The following ATP11B variants were observed in gnomAD, a reference collection of about 807,000 sequenced individuals.
ATP11B encodes phospholipid-transporting ATPase IF.
ATP11B carries 81 observed loss-of-function variants against 157.8 expected under a neutral mutation model. That is an observed-to-expected ratio of 0.51 (90% CI 0.43 to 0.62). The LOEUF (loss-of-function observed/expected upper bound fraction) is 0.62. Ranked by LOEUF, ATP11B falls within the 20% of genes least tolerant of loss-of-function variation. The pLI is 0.00. For synonymous variants in ATP11B, 451 were observed against 469.4 expected (o/e 0.96, Z 0.51); for missense variants, 1,165 against 1,402.2 (o/e 0.83, Z 2.70).
At chr3:182,870,699 C>T (rs184419365) in intron 17 of ATP11B, among the ~76,000 whole-genome samples, 12 of 152,066 alleles carry the variant, frequency 7.9e-5, no homozygotes, top group Admixed American at 5.2e-4. Context: ...TAGGGCTGGG[C>T]GCGGTGGCTC....
rs757123014 is a variant in ATP11B at position 182,837,140 on chromosome 3, A to G, written c.622A>G (p.Ile208Val). Reference sequence around the variant, plus strand: ...CAATTTGGACACTCTAGTAGCTGTAATAGAATGCCAGCAACCAGAAGCAGA... The same window carrying G: ...CAATTTGGACACTCTAGTAGCTGTAGTAGAATGCCAGCAACCAGAAGCAGA... ...VANLDTLVAV[I>V]ECQQPEADLY... The change falls in exon 7 of 30, where the codon ATA (isoleucine) becomes GTA (valine). Residue 208 changes from isoleucine to valine, a missense_variant. Around this residue, in one of 4 missense-constraint regions of ATP11B, gnomAD observed 737 missense variants for 930.5 expected, o/e 0.79. Coordinates refer to ENST00000323116, the MANE Select transcript of ATP11B (RefSeq NM_014616.3). 1.4e-5 allele frequency: 23 copies of G among 1,613,158 alleles called. No homozygotes were observed. The East Asian group carries it at 3.1e-4, about 22-fold the overall frequency.
chr3:182,859,444 T>A, intron 12 of ATP11B, 85 bp downstream of exon 12: 1 of 1,197,960 alleles, frequency 8.3e-7, no homozygotes, highest in Non-Finnish European at 1.1e-6. Flanking sequence ...TAACAAGGTA[T>A]TATGATGCTT....
At chr3:182,847,308 G>A (rs1001994416) in intron 9 of ATP11B, among the ~76,000 whole-genome samples, 9 of 152,100 alleles carry the variant, frequency 5.9e-5, no homozygotes, top group African/African-American at 1.9e-4. Context: ...CAAAGTGATG[G>A]GATTACAGGC....
intron 12 of ATP11B, among the ~76,000 whole-genome samples, chr3:182,865,099 C>T (rs781121145): frequency 4.6e-5 from 7 of 152,106 alleles, no homozygotes. Context: ...ATTAAGCATC[C>T]TTTCCACCCT....
At position 182,898,715 on chromosome 3, in the gene ATP11B, TATC is replaced by T. The variant is rs1230167683; in HGVS notation, c.3264_3266del (p.Ile1089del). The T allele has an allele frequency of 1.1e-5, 17 of 1,599,340 alleles. No homozygotes were observed. The highest frequency in any genetic ancestry group is 2.7e-5 in the African/African-American group (2 of 74,368). On this transcript the variant is annotated inframe_deletion, in exon 28 of 30. Transcript: ENST00000323116. ...TGGTTGTTACATGTCTATTTCTTGA[TATC>T]ATAAAGAAGGTCTTTGACCGACACC... is the stretch of plus-strand genomic sequence containing the variant.
At chr3:182,844,627 TAG>T (rs1719323008) in intron 8 of ATP11B, 1 of 819,076 alleles carries the variant, frequency 1.2e-6, no homozygotes, top group Non-Finnish European at 1.5e-6. Context: ...CGATCTTGCC[TAG>T]AAAAAGCACT....
At chr3:182,854,545 G>A (rs1657956576) in intron 10 of ATP11B, among the ~76,000 whole-genome samples, 1 of 152,126 alleles carries the variant, frequency 6.6e-6, no homozygotes, top group African/African-American at 2.4e-5. Flanking sequence ...TTATGACTTA[G>A]AGTAGGTAAA....
chr3:182,874,184 A>G (rs1446328572), intron 19 of ATP11B, among the ~76,000 whole-genome samples, 169 bp downstream of exon 19: 3 of 152,244 alleles, frequency 2.0e-5, no homozygotes, highest in Non-Finnish European at 4.4e-5. Flanking sequence ...TATTTCATGA[A>G]GTGAAAAGTA....
intron 10 of ATP11B, among the ~76,000 whole-genome samples, chr3:182,853,263 A>G (rs1388290722): frequency 1.3e-5 from 2 of 152,276 alleles, no homozygotes; most frequent in East Asian, 1.9e-4. Context: ...GCTGGAGTGC[A>G]GTGGTGCGAT....
At chr3:182,905,162 A>G (rs1430026133) in intron 28 of ATP11B, among the ~76,000 whole-genome samples, 3 of 152,150 alleles carry the variant, frequency 2.0e-5, no homozygotes, top group Non-Finnish European at 1.5e-5. Flanking sequence ...ATGAGGCAAA[A>G]TTGTTTTTTA....
At position 182,828,273 on chromosome 3, in the gene ATP11B, A is replaced by G. The variant is rs1717861355; in HGVS notation, c.234+64A>G. On this transcript the variant is annotated intron_variant, in intron 3 of 29. Transcript: ENST00000323116. ...TTTCTAAAAATATGTCTTGGAACAA[A>G]GAAAAATTACATTGTGTTGCTAATC... 8.8e-6 allele frequency: 7 copies of G among 799,244 alleles called. No homozygotes were observed. In the South Asian group the frequency reaches 1.4e-4, roughly 16 times the overall value. 49.5% of individuals were successfully genotyped at this position (799,244 alleles called of 1,614,324 possible). A position where few individuals can be genotyped will look rare whatever the true frequency, so the allele number is the denominator to read the frequency against.
intron 28 of ATP11B, among the ~76,000 whole-genome samples, chr3:182,909,479 A>G (rs756531458): frequency 4.6e-5 from 7 of 151,764 alleles, no homozygotes; most frequent in East Asian, 1.9e-4. Context: ...TTTCTTTTCT[A>G]TTATTTAAAA....
intron 12 of ATP11B, among the ~76,000 whole-genome samples, chr3:182,860,509 A>T (rs1274361284): frequency 6.6e-6 from 1 of 152,126 alleles, no homozygotes; most frequent in Non-Finnish European, 1.5e-5. Flanking sequence ...ATGGGCAATT[A>T]ACTCTGTGAG....
chr3:182,825,493 C>T (rs1400168982), intron 2 of ATP11B, among the ~76,000 whole-genome samples: 3 of 151,836 alleles, frequency 2.0e-5, no homozygotes, highest in South Asian at 2.1e-4. Flanking sequence ...CCAAGGTGGG[C>T]GGATCACTTG....
intron 20 of ATP11B, among the ~76,000 whole-genome samples, chr3:182,880,068 T>G (rs1406766976): frequency 6.6e-6 from 1 of 152,252 alleles, no homozygotes; most frequent in Non-Finnish European, 1.5e-5. Flanking sequence ...AAATAGAGCT[T>G]TAGTATAAAA....
At chr3:182,836,538 A>G in intron 6 of ATP11B, 68 bp downstream of exon 6, 2 of 1,589,664 alleles carry the variant, frequency 1.3e-6, no homozygotes, top group Non-Finnish European at 1.7e-6. Flanking sequence ...ATTATACTTA[A>G]CTTTGGTTAA....
At chr3:182,895,422 G>A (rs1262986999) in intron 25 of ATP11B, among the ~76,000 whole-genome samples, 1 of 152,002 alleles carries the variant, frequency 6.6e-6, no homozygotes, top group African/African-American at 2.4e-5. Context: ...CATTCTTTTT[G>A]TATACCCCAA....
intron 19 of ATP11B, among the ~76,000 whole-genome samples, chr3:182,876,457 G>A (rs1255131389): frequency 6.6e-6 from 1 of 152,122 alleles, no homozygotes. Flanking sequence ...CACTCTTAAA[G>A]TGAATTTTAG....
intron 2 of ATP11B, among the ~76,000 whole-genome samples, chr3:182,821,762 G>A (rs991084784): frequency 2.0e-5 from 3 of 152,100 alleles, no homozygotes; most frequent in African/African-American, 4.8e-5. Context: ...TGGCTTGGAC[G>A]GTACAGTTAT....
Sources: allele counts gnomAD v4.1 joint callset (sites outside exome capture counted in the v4.1 genomes callset), GRCh38; gene constraint gnomAD v4.1.1; regional missense constraint gnomAD v4.1.1; transcripts MANE v1.5; gene names NCBI Gene and HGNC (gene_info 2026-07-23, HGNC 2026-07-21).